The following SPHK1 variants were observed in gnomAD, a reference collection of about 807,000 sequenced individuals.
SPHK1 encodes SK 1.
Under a neutral mutation model 14.6 loss-of-function variants are expected in SPHK1, and 10 were observed. That is an observed-to-expected ratio of 0.68 (90% CI 0.42 to 1.16). The LOEUF is 1.16. Among genes scored for constraint, SPHK1 ranks in the 50% most tolerant of loss-of-function variants. The probability of loss-of-function intolerance (pLI) is 0.00; values close to 1 mark genes in which losing one functional copy is unlikely to be tolerated. For synonymous variants in SPHK1, 274 were observed against 224.0 expected (o/e 1.22, Z -1.99); for missense variants, 553 against 525.4 (o/e 1.05, Z -0.51).
In SPHK1 at chr17:76,385,219, C is replaced by T; in HGVS notation, c.-194-232C>T. 6.4e-6 allele frequency: 10 copies of T among 1,550,844 alleles called. No homozygotes were observed. Among genetic ancestry groups the T allele is most frequent in the Non-Finnish European group, 8.7e-6 (10 of 1,148,026 alleles). On this transcript the variant is annotated intron_variant, in intron 1 of 5. Coordinates refer to ENST00000592299, the MANE Select transcript of SPHK1 (RefSeq NM_001142601.2). This position sits in a 1 kb window ranked among gnomAD's most constrained non-coding sequence, Gnocchi z 5.3. ...AGCCACGGGGCTCTGACTCATCCGT[C>T]GGGCCGGAACCGAACCCCAAGCCCC...
chr17:76,387,633 T>G lies in SPHK1; in HGVS notation c.*47T>G, dbSNP rs1485713740. ...TAGTGTCTACTTGCAGGACCCTTCC[T>G]CCTTCCCTAGGGCTGCAGGGCCTGT... On this transcript the variant is annotated 3_prime_UTR_variant, in exon 6 of 6. Coordinates refer to ENST00000592299, the MANE Select transcript of SPHK1 (RefSeq NM_001142601.2). The surrounding 1 kb of genome is among the most constrained non-coding windows in gnomAD (Gnocchi z 4.1). 3.9e-6 allele frequency: 6 copies of G among 1,525,414 alleles called. No homozygotes were observed. The South Asian group carries it at 7.5e-5, about 19-fold the overall frequency. 94.5% of individuals were successfully genotyped at this position (1,525,414 alleles called of 1,614,324 possible). A position where few individuals can be genotyped will look rare whatever the true frequency, so the allele number is the denominator to read the frequency against.
chr17:76,386,774 G>T lies in SPHK1; in HGVS notation c.375-32G>T, dbSNP rs745884282. 1.3e-6 allele frequency: 2 copies of T among 1,523,840 alleles called. No individual in the cohort carries two copies. Among genetic ancestry groups the T allele is most frequent in the South Asian group, 1.3e-5 (1 of 76,488 alleles). 94.4% of individuals were successfully genotyped at this position (1,523,840 alleles called of 1,614,324 possible). Reference sequence around the variant, plus strand: ...AAGCGGGGGATACATGGGGGCTCCTGTCCTGCCTTATCTGACTTTTTCCCC... The same window carrying T: ...AAGCGGGGGATACATGGGGGCTCCTTTCCTGCCTTATCTGACTTTTTCCCC... On this transcript the variant is annotated intron_variant, in intron 5 of 5. Coordinates refer to ENST00000592299, the MANE Select transcript of SPHK1 (RefSeq NM_001142601.2). The surrounding 1 kb of genome is among the most constrained non-coding windows in gnomAD (Gnocchi z 5.3).
In SPHK1 at chr17:76,387,525, G is replaced by A; in HGVS notation, c.1094G>A (p.Cys365Tyr). The change falls in exon 6 of 6, where the codon TGC (cysteine) becomes TAC (tyrosine). Residue 365 changes from cysteine (C) to tyrosine (Y), a missense_variant. Coordinates refer to ENST00000592299, the MANE Select transcript of SPHK1 (RefSeq NM_001142601.2). This position sits in a 1 kb window ranked among gnomAD's most constrained non-coding sequence, Gnocchi z 4.1. Reference sequence around the variant, plus strand: ...AACTACTTCTGGATGGTCAGCGGTTGCGTGGAGCCCCCGCCCAGCTGGAAG... The same window carrying A: ...AACTACTTCTGGATGGTCAGCGGTTACGTGGAGCCCCCGCCCAGCTGGAAG... ...HPNYFWMVSG[C>Y]VEPPPSWKPQ... 6.2e-7 allele frequency: 1 copy of A among 1,611,122 alleles called. No homozygotes were observed.
chr17:76,386,449 G>A lies in SPHK1; in HGVS notation c.315G>A (p.Leu105=). 6.2e-7 allele frequency: 1 copy of A among 1,613,138 alleles called. No homozygotes were observed. Among genetic ancestry groups the A allele is most frequent in the Non-Finnish European group, 8.5e-7 (1 of 1,179,972 alleles). Residue 105 remains leucine (L), a synonymous_variant, in exon 5 of 6, where the codon CTG becomes CTA. Coordinates refer to ENST00000592299, the MANE Select transcript of SPHK1 (RefSeq NM_001142601.2). The surrounding 1 kb of genome is among the most constrained non-coding windows in gnomAD (Gnocchi z 5.3). ...PDWETAIQKP[L]CSLPAGSGNA... ...GGGAGACCGCCATCCAGAAGCCCCT[G>A]TGTAGCCTCCCAGCAGGCTCTGGCA...
Position 76,387,467 on chromosome 17 carries a change from G to A in SPHK1, c.1036G>A (p.Val346Ile). 3 of 1,613,682 alleles carry A rather than the reference G, an allele frequency of 1.9e-6. No individual in the cohort carries two copies. The South Asian group carries it at 3.3e-5, about 18-fold the overall frequency. The part of the protein sequence containing the change: ...GVFAVDGELM[V>I]SEAVQGQVHP... ...GTTTGCAGTGGATGGGGAATTGATG[G>A]TTAGCGAGGCCGTGCAGGGCCAGGT... Residue 346 changes from valine to isoleucine, a missense_variant, in exon 6 of 6, where the codon GTT becomes ATT. By Grantham distance (29) the Val-to-Ile change is conservative. Coordinates refer to ENST00000592299, the MANE Select transcript of SPHK1 (RefSeq NM_001142601.2). This position sits in a 1 kb window ranked among gnomAD's most constrained non-coding sequence, Gnocchi z 4.1.
Position 76,385,748 on chromosome 17 carries a change from C to A in SPHK1, c.10+94C>A. 7.0e-7 allele frequency: 1 copy of A among 1,431,588 alleles called. No individual in the cohort carries two copies. Among genetic ancestry groups the A allele is most frequent in the Non-Finnish European group, 9.5e-7 (1 of 1,054,840 alleles). 88.7% of individuals were successfully genotyped at this position (1,431,588 alleles called of 1,614,324 possible). A position where few individuals can be genotyped will look rare whatever the true frequency, so the allele number is the denominator to read the frequency against. ...CCAGCTGGACGAAAGGGGCTGTGGA[C>A]GATCGGGAGAAACATTATCCCTCAC... On this transcript the variant is annotated intron_variant, in intron 2 of 5. Coordinates refer to ENST00000592299, the MANE Select transcript of SPHK1 (RefSeq NM_001142601.2). This position sits in a 1 kb window ranked among gnomAD's most constrained non-coding sequence, Gnocchi z 5.3.
Position 76,386,102 on chromosome 17 carries a change from C to G in SPHK1, c.128C>G (p.Ala43Gly), listed in dbSNP as rs1049677912. Residue 43 changes from alanine to glycine, a missense_variant, in exon 3 of 6, where the codon GCT becomes GGT. Ala to Gly is a moderately conservative substitution (Grantham distance 60). Transcript: ENST00000592299. This position sits in a 1 kb window ranked among gnomAD's most constrained non-coding sequence, Gnocchi z 5.3. ...CGGAGTCACGTGCAGCCCCTTTTGGCTGAGGCTGAAATCTCCTTCACGCTG... is the reference window on the plus strand; with the variant it reads ...CGGAGTCACGTGCAGCCCCTTTTGGGTGAGGCTGAAATCTCCTTCACGCTG... ...LFRSHVQPLLAEAEISFTLML... is the reference protein window; with the variant it reads ...LFRSHVQPLLGEAEISFTLML... The G allele has an allele frequency of 1.9e-6, 3 of 1,601,742 alleles. No homozygotes were observed. The highest frequency in any genetic ancestry group is 2.7e-5 in the African/African-American group (2 of 74,712).
chr17:76,385,292 A>G lies in SPHK1; in HGVS notation c.-194-159A>G. The G allele has an allele frequency of 6.8e-7, 1 of 1,474,826 alleles. No individual in the cohort carries two copies. Among genetic ancestry groups the G allele is most frequent in the Non-Finnish European group, 9.0e-7 (1 of 1,111,248 alleles). 91.4% of individuals were successfully genotyped at this position (1,474,826 alleles called of 1,614,324 possible). A position where few individuals can be genotyped will look rare whatever the true frequency, so the allele number is the denominator to read the frequency against. On this transcript the variant is annotated intron_variant, in intron 1 of 5. Transcript: ENST00000592299. The surrounding 1 kb of genome is among the most constrained non-coding windows in gnomAD (Gnocchi z 5.3). Reference sequence around the variant, plus strand: ...CGCCCTTCTCAGGGATTGTAGGCTTAGTCACACGGCGGGGGCGCCCTCGGA... The same window carrying G: ...CGCCCTTCTCAGGGATTGTAGGCTTGGTCACACGGCGGGGGCGCCCTCGGA...
Position 76,387,825 on chromosome 17 carries a change from C to T in SPHK1, c.*239C>T, listed in dbSNP as rs1483334284. 7 of 491,286 alleles carry T rather than the reference C, an allele frequency of 1.4e-5. No individual in the cohort carries two copies. Among genetic ancestry groups the T allele is most frequent in the South Asian group, 4.0e-5 (1 of 25,160 alleles). 30.4% of individuals were successfully genotyped at this position (491,286 alleles called of 1,614,324 possible). On this transcript the variant is annotated 3_prime_UTR_variant, in exon 6 of 6. Coordinates refer to ENST00000592299, the MANE Select transcript of SPHK1 (RefSeq NM_001142601.2). This position sits in a 1 kb window ranked among gnomAD's most constrained non-coding sequence, Gnocchi z 4.1. ...AGTTTGTTCTGAGACCCCCACCCCA[C>T]GAACCAAATCCAAATAAAGTGACAT...
rs143376530 is a variant in SPHK1, at chr17:76,387,563, C to G, written c.1132C>G (p.Pro378Ala). Residue 378 changes from proline (P) to alanine (A), a missense_variant, in exon 6 of 6, where the codon CCA (proline) becomes GCA (alanine). Coordinates refer to ENST00000592299, the MANE Select transcript of SPHK1 (RefSeq NM_001142601.2). The surrounding 1 kb of genome is among the most constrained non-coding windows in gnomAD (Gnocchi z 4.1). Reference sequence around the variant, plus strand: ...GCCCAGCTGGAAGCCCCAGCAGATGCCACCGCCAGAAGAGCCCTTATGACC... The same window carrying G: ...GCCCAGCTGGAAGCCCCAGCAGATGGCACCGCCAGAAGAGCCCTTATGACC... The part of the protein sequence containing the change: ...PPPSWKPQQM[P>A]PPEEPL 6.3e-7 allele frequency: 1 copy of G among 1,599,214 alleles called. No individual in the cohort carries two copies. Among genetic ancestry groups the G allele is most frequent in the African/African-American group, 1.3e-5 (1 of 74,764 alleles).
chr17:76,385,399 C>T lies in SPHK1; in HGVS notation c.-194-52C>T, dbSNP rs1018978931. On this transcript the variant is annotated intron_variant, in intron 1 of 5. Coordinates refer to ENST00000592299, the MANE Select transcript of SPHK1 (RefSeq NM_001142601.2). This position sits in a 1 kb window ranked among gnomAD's most constrained non-coding sequence, Gnocchi z 5.3. ...CCGGGATTTAGTCGGGCGCTCCCCA[C>T]CTCTGGCAGCTGCGGCCCCGGACTC... is the stretch of plus-strand genomic sequence containing the variant. 2 of 1,473,490 alleles carry T rather than the reference C, an allele frequency of 1.4e-6. No homozygotes were observed. The highest frequency in any genetic ancestry group is 2.4e-5 in the Admixed American group (1 of 42,368). The allele number at this position is 1,473,490 out of a possible 1,614,324, so 91.3% of individuals were successfully genotyped here.
Position 76,387,135 on chromosome 17 carries a change from A to G in SPHK1, c.704A>G (p.Asp235Gly). The change falls in exon 6 of 6, where the codon GAT becomes GGT. Residue 235 changes from aspartate (D) to glycine (G), a missense_variant. By Grantham distance (94) the Asp-to-Gly change is moderately conservative. Coordinates refer to ENST00000592299, the MANE Select transcript of SPHK1 (RefSeq NM_001142601.2). This position sits in a 1 kb window ranked among gnomAD's most constrained non-coding sequence, Gnocchi z 4.1. ...GTTGTGGTCCAGCAGGGCCCGGTAG[A>G]TGCACACCTTGTGCCACTGGAGGAG... ...SPVVVQQGPVDAHLVPLEEPV... is the reference protein window; with the variant it reads ...SPVVVQQGPVGAHLVPLEEPV... 6.2e-7 allele frequency: 1 copy of G among 1,613,180 alleles called. No homozygotes were observed. Among genetic ancestry groups the G allele is most frequent in the Non-Finnish European group, 8.5e-7 (1 of 1,180,014 alleles).
Position 76,385,856 on chromosome 17 carries a change from C to T in SPHK1, c.11-129C>T. ...CCCACCCCAGGTCTCCCAGCAAAGG[C>T]CGCTCCTCTGGCCAGGGTCAATTAC... On this transcript the variant is annotated intron_variant, in intron 2 of 5. Transcript: ENST00000592299. The surrounding 1 kb of genome is among the most constrained non-coding windows in gnomAD (Gnocchi z 5.3). 1.3e-6 allele frequency: 2 copies of T among 1,487,434 alleles called. No homozygotes were observed. Among genetic ancestry groups the T allele is most frequent in the Admixed American group, 2.2e-5 (1 of 46,232 alleles). The allele number at this position is 1,487,434 out of a possible 1,614,324, so 92.1% of individuals were successfully genotyped here. A position where few individuals can be genotyped will look rare whatever the true frequency, so the allele number is the denominator to read the frequency against.
chr17:76,383,545 T>TGGGGCCGGCGGGGGCGCGC (rs1567821058), upstream of SPHK1: 1 of 264,770 alleles, frequency 3.8e-6, no homozygotes, highest in Non-Finnish European at 7.5e-6. Flanking sequence ...TGGGGGCGGG[T>TGGGGCCGGCGGGGGCGCGC]GGGGCCGGCG....
At position 76,385,113 on chromosome 17, in the gene SPHK1, C is replaced by T. The variant is rs144246927; in HGVS notation, c.-195+307C>T. 37 of 1,582,734 alleles carry T rather than the reference C, an allele frequency of 2.3e-5. No individual in the cohort carries two copies. The highest frequency in any genetic ancestry group is 2.9e-5 in the Non-Finnish European group (34 of 1,165,186). On this transcript the variant is annotated intron_variant, in intron 1 of 5. Transcript: ENST00000592299. The surrounding 1 kb of genome is among the most constrained non-coding windows in gnomAD (Gnocchi z 5.3). ...AGAACTTCGTGCCCAGCAATGTCCG[C>T]TCAAGTTCTGGGATTTTTACGCAGC... is the stretch of plus-strand genomic sequence containing the variant.
rs1598572151 is a variant in SPHK1 at position 76,387,751 on chromosome 17, G to A, written c.*165G>A. On this transcript the variant is annotated 3_prime_UTR_variant, in exon 6 of 6. Transcript: ENST00000592299. This position sits in a 1 kb window ranked among gnomAD's most constrained non-coding sequence, Gnocchi z 4.1. ...GGGGGACAGGCCAGAATGAAGTCCT[G>A]GGTCAGGAGCCCAGCTGGCTGGGCC... 1.2e-5 allele frequency: 10 copies of A among 839,414 alleles called. No homozygotes were observed. In the South Asian group the frequency reaches 2.2e-4, roughly 18 times the overall value. The allele number at this position is 839,414 out of a possible 1,614,324, so 52.0% of individuals were successfully genotyped here.
chr17:76,386,191 C>T lies in SPHK1; in HGVS notation c.164-30C>T. On this transcript the variant is annotated intron_variant, in intron 3 of 5. Coordinates refer to ENST00000592299, the MANE Select transcript of SPHK1 (RefSeq NM_001142601.2). The surrounding 1 kb of genome is among the most constrained non-coding windows in gnomAD (Gnocchi z 5.3). ...AGCATCCCCTGGCAGGGGACCCCCCCAGTCCTGATAGCTGCCGGTCTCCCT... is the reference window on the plus strand; with the variant it reads ...AGCATCCCCTGGCAGGGGACCCCCCTAGTCCTGATAGCTGCCGGTCTCCCT... 6.3e-7 allele frequency: 1 copy of T among 1,594,668 alleles called. No homozygotes were observed. The highest frequency in any genetic ancestry group is 2.2e-5 in the East Asian group (1 of 44,700).
rs746799080 is a variant in SPHK1, at chr17:76,385,126, A to AT, written c.-194-320dup. 1 of 1,590,722 alleles carries AT rather than the reference A, an allele frequency of 6.3e-7. No homozygotes were observed. The highest frequency in any genetic ancestry group is 1.1e-5 in the South Asian group (1 of 86,994). On this transcript the variant is annotated intron_variant, in intron 1 of 5. Transcript: ENST00000592299. The surrounding 1 kb of genome is among the most constrained non-coding windows in gnomAD (Gnocchi z 5.3). ...CAGCAATGTCCGCTCAAGTTCTGGG[A>AT]TTTTTACGCAGCTGGACTCCCCTCC...
Position 76,386,231 on chromosome 17 carries a change from C to T in SPHK1, c.174C>T (p.Asn58=), listed in dbSNP as rs200809205. The change falls in exon 4 of 6, where the codon AAC becomes AAT. Residue 58 remains asparagine, a synonymous_variant. Coordinates refer to ENST00000592299, the MANE Select transcript of SPHK1 (RefSeq NM_001142601.2). This position sits in a 1 kb window ranked among gnomAD's most constrained non-coding sequence, Gnocchi z 5.3. The stretch of plus-strand genomic sequence containing the variant: ...CCGGTCTCCCTGCAGAGCGGCGGAA[C>T]CACGCGCGGGAGCTGGTGCGGTCGG... The part of the protein sequence containing the change: ...SFTLMLTERR[N]HARELVRSEE... 67 of 1,595,178 alleles carry T rather than the reference C, an allele frequency of 4.2e-5. No individual in the cohort carries two copies. The highest frequency in any genetic ancestry group is 1.3e-5 in the African/African-American group (1 of 74,840).
Sources: gnomAD v4.1 joint callset for allele counts on GRCh38, gnomAD v4.1.1 for gene constraint, Gnocchi (gnomAD v3.1) non-coding constraint, MANE v1.5 for transcripts, NCBI Gene and HGNC (gene_info 2026-07-23, HGNC 2026-07-21) for gene names.